The following IL1RAPL1 variants were observed in gnomAD, a reference collection of about 807,000 sequenced individuals.
The protein encoded by IL1RAPL1 is interleukin-1 receptor accessory protein-like 1.
IL1RAPL1 carries 3 observed loss-of-function variants against 48.4 expected under a neutral mutation model. The ratio of observed to expected loss-of-function variants is 0.06; its 90% CI spans 0.03 to 0.16. The LOEUF (loss-of-function observed/expected upper bound fraction) is 0.16, where lower values mean the gene tolerates loss of function less well. Among genes scored for constraint, IL1RAPL1 ranks in the 10% least tolerant of loss-of-function variants. The pLI, the probability that IL1RAPL1 is intolerant of heterozygous loss-of-function variation, is 1.00. For synonymous variants in IL1RAPL1, 185 were observed against 187.7 expected, an observed-to-expected ratio of 0.99 and a Z score of 0.12; for missense variants, 349 against 530.6, an observed-to-expected ratio of 0.66 and a Z score of 3.36.
intron 2 of IL1RAPL1, among the ~76,000 whole-genome samples, chrX:29,191,939 C>T (rs1275139841): frequency 9.0e-6 from 1 of 111,701 alleles, no homozygotes. Flanking sequence ...CGTGGCCCAC[C>T]TCTGTTCCAT....
At chrX:28,743,764 G>A (rs776977144) in intron 1 of IL1RAPL1, among the ~76,000 whole-genome samples, 9 of 101,276 alleles carry the variant, frequency 8.9e-5, no homozygotes, top group Middle Eastern at 5.6e-3. Flanking sequence ...ATTTAATGGC[G>A]TACAACATAA....
intron 3 of IL1RAPL1, among the ~76,000 whole-genome samples, chrX:29,393,381 A>G (rs775485209): frequency 1.8e-5 from 2 of 112,032 alleles, no homozygotes; most frequent in Admixed American, 1.9e-4. Context: ...TCGGCCTCCC[A>G]AAGTGCTGGG....
chrX:29,534,701 G>T (rs974767417), intron 5 of IL1RAPL1, among the ~76,000 whole-genome samples: 1 of 110,488 alleles, frequency 9.1e-6, no homozygotes, highest in African/African-American at 3.3e-5. Flanking sequence ...GGGCGCGGTG[G>T]CTCATGCCTG....
chrX:29,396,112 G>T (rs1157410904), intron 3 of IL1RAPL1, 146 bp from the exon 4 acceptor site: 38 of 478,009 alleles, frequency 7.9e-5, no homozygotes, highest in Non-Finnish European at 1.3e-4. Flanking sequence ...TAGCAAGAGA[G>T]AACCCTGTGG....
intron 5 of IL1RAPL1, among the ~76,000 whole-genome samples, chrX:29,479,679 C>A (rs1935017769): frequency 9.2e-6 from 1 of 109,045 alleles, no homozygotes; most frequent in Admixed American, 9.9e-5. Flanking sequence ...TCCCAACGTT[C>A]CCCCCCAGTC....
chrX:29,091,321 C>T (rs1014186945), intron 2 of IL1RAPL1, among the ~76,000 whole-genome samples: 5 of 111,631 alleles, frequency 4.5e-5, no homozygotes, highest in African/African-American at 1.6e-4. Context: ...AGTTGTCATA[C>T]AAGAGGATGT....
intron 2 of IL1RAPL1, among the ~76,000 whole-genome samples, chrX:28,828,434 T>A (rs1240618192): frequency 8.9e-6 from 1 of 112,116 alleles, no homozygotes; most frequent in Non-Finnish European, 1.9e-5. Context: ...TCTTTCCCCA[T>A]ATTTTAATTT....
chrX:29,739,964 G>T (rs1165348084), intron 6 of IL1RAPL1, among the ~76,000 whole-genome samples: 1 of 108,692 alleles, frequency 9.2e-6, no homozygotes, highest in Non-Finnish European at 1.9e-5. Context: ...GGAGGCTGAG[G>T]CAGGAGAATC....
At chrX:29,132,585 T>C (rs1399663647) in intron 2 of IL1RAPL1, among the ~76,000 whole-genome samples, 1 of 111,631 alleles carries the variant, frequency 9.0e-6, no homozygotes, top group African/African-American at 3.3e-5. Context: ...AACAGTGAAG[T>C]TGCCTAAGGA....
chrX:29,173,669 G>A (rs225452), intron 2 of IL1RAPL1, among the ~76,000 whole-genome samples: 38,542 of 110,575 alleles, frequency 0.35, 5,927 homozygotes, highest in Non-Finnish European at 0.48. Context: ...GAGATATCCC[G>A]CAAATTCAGA....
At chrX:29,550,158 T>A (rs1250909812) in intron 5 of IL1RAPL1, among the ~76,000 whole-genome samples, 2 of 111,686 alleles carry the variant, frequency 1.8e-5, no homozygotes, top group East Asian at 5.6e-4. Flanking sequence ...CTAAAAAGCA[T>A]CACTAATTTA....
intron 2 of IL1RAPL1, among the ~76,000 whole-genome samples, chrX:29,084,162 T>C (rs1927902754): frequency 8.9e-6 from 1 of 111,798 alleles, no homozygotes; most frequent in Admixed American, 9.5e-5. Flanking sequence ...CACATTTCAT[T>C]ACCGACTCCC....
chrX:28,975,807 G>A (rs1925190406), intron 2 of IL1RAPL1, among the ~76,000 whole-genome samples: 2 of 112,246 alleles, frequency 1.8e-5, no homozygotes, highest in Non-Finnish European at 3.8e-5. Context: ...ATACTGAGAG[G>A]AACTTGCAGT....
At chrX:29,400,377 A>C (rs1390472264) in intron 5 of IL1RAPL1, among the ~76,000 whole-genome samples, 1 of 112,759 alleles carries the variant, frequency 8.9e-6, no homozygotes, top group Non-Finnish European at 1.9e-5. Flanking sequence ...AATTATATCC[A>C]AATGTGCATA....
intron 2 of IL1RAPL1, among the ~76,000 whole-genome samples, chrX:29,201,593 A>T (rs1483024863): frequency 2.7e-5 from 3 of 112,241 alleles, no homozygotes; most frequent in African/African-American, 9.7e-5. Flanking sequence ...ACATAGAACC[A>T]TTGTCAAGAT....
At chrX:28,859,064 T>C (rs1372589910) in intron 2 of IL1RAPL1, among the ~76,000 whole-genome samples, 2 of 112,385 alleles carry the variant, frequency 1.8e-5, no homozygotes, top group Non-Finnish European at 3.8e-5. Flanking sequence ...TAAGATTACT[T>C]ACCCATGTTT....
intron 1 of IL1RAPL1, among the ~76,000 whole-genome samples, chrX:28,673,253 A>G (rs1934964413): frequency 8.9e-6 from 1 of 112,000 alleles, no homozygotes; most frequent in Non-Finnish European, 1.9e-5. Context: ...AAAAAGGATT[A>G]TCTATTCAAT....
At chrX:28,922,876 G>A in intron 2 of IL1RAPL1, among the ~76,000 whole-genome samples, 1 of 111,971 alleles carries the variant, frequency 8.9e-6, no homozygotes, top group South Asian at 3.7e-4. Context: ...TTTGAAAAAT[G>A]TAAGTTATAA....
rs12835505 is a variant in IL1RAPL1, at chrX:29,371,681, G to A, written c.363-24577G>A. 8.1e-5 allele frequency among the ~76,000 whole-genome samples: 9 copies of A among 111,696 alleles called. No homozygotes were observed. The East Asian group carries it at 2.5e-3, about 32-fold the overall frequency. The stretch of plus-strand genomic sequence containing the variant: ...ATATTTAGCTCCCACTTATAAATGA[G>A]AACATTTGGTATTTGATTTTCTGTT... On this transcript the variant is annotated intron_variant, in intron 3 of 10. Transcript: ENST00000378993.
Sources: allele counts gnomAD v4.1 joint callset (sites outside exome capture counted in the v4.1 genomes callset), GRCh38; gene constraint gnomAD v4.1.1; transcripts MANE v1.5; gene names NCBI Gene and HGNC (gene_info 2026-07-23, HGNC 2026-07-21).